CREB5: variants seen among roughly 807,000 people sequenced by gnomAD.
CREB5 encodes the protein cyclic AMP-responsive element-binding protein 5.
A neutral mutation model predicts 57.1 loss-of-function variants in CREB5; 19 were observed. The observed-to-expected ratio is 0.33, with a 90% CI of 0.23 to 0.49. CREB5 has a LOEUF of 0.49. Among genes scored for constraint, CREB5 ranks in the 20% least tolerant of loss-of-function variants. CREB5 has a pLI of 0.99. For missense variants in CREB5, 579 were observed against 671.6 expected, an observed-to-expected ratio of 0.86 and a Z score of 1.52; for synonymous variants, 238 against 238.3, an observed-to-expected ratio of 1.00 and a Z score of 0.01.
At chr7:28,513,785 A>G (rs1792817607) in intron 4 of CREB5, 2 of 152,348 alleles carry the variant, frequency 1.3e-5, no homozygotes, top group African/African-American at 4.8e-5. Flanking sequence ...AATGAGTACA[A>G]TCTTAGCAGG....
chr7:28,654,814 A>AG (rs2128708686), intron 5 of CREB5, among the ~76,000 whole-genome samples: 1 of 152,334 alleles, frequency 6.6e-6, no homozygotes, highest in African/African-American at 2.4e-5. Flanking sequence ...GTCTAAAGCC[A>AG]GGCATAGGAA....
intron 5 of CREB5, among the ~76,000 whole-genome samples, chr7:28,632,548 G>T (rs310351): frequency 0.38 from 57,035 of 151,938 alleles, 11,130 homozygotes; most frequent in African/African-American, 0.47. Flanking sequence ...TAAAAGTTTT[G>T]TTCACCATCA....
intron 5 of CREB5, among the ~76,000 whole-genome samples, chr7:28,687,726 T>C (rs1434675275): frequency 6.6e-6 from 1 of 152,056 alleles, no homozygotes; most frequent in Non-Finnish European, 1.5e-5. Context: ...TGGATATCAT[T>C]CATTATGACT....
chr7:28,730,460 C>G (rs1008239288), intron 7 of CREB5, among the ~76,000 whole-genome samples: 3 of 151,940 alleles, frequency 2.0e-5, no homozygotes, highest in Non-Finnish European at 4.4e-5. Context: ...GCTAGGATTA[C>G]AGGCATGAGC....
At chr7:28,524,192 G>T (rs965655141) in intron 4 of CREB5, among the ~76,000 whole-genome samples, 3 of 152,074 alleles carry the variant, frequency 2.0e-5, no homozygotes, top group African/African-American at 7.2e-5. Flanking sequence ...AAAGAAATTT[G>T]CTGGCTGGGT....
At chr7:28,662,137 C>T (rs778704270) in intron 5 of CREB5, among the ~76,000 whole-genome samples, 17 of 152,098 alleles carry the variant, frequency 1.1e-4, no homozygotes, top group Non-Finnish European at 2.2e-4. Context: ...AAAATCACTA[C>T]AAGAGTAGAC....
At chr7:28,606,246 TAACTA>T (rs1475045990) in intron 5 of CREB5, among the ~76,000 whole-genome samples, 4 of 152,212 alleles carry the variant, frequency 2.6e-5, no homozygotes, top group Admixed American at 1.3e-4. Context: ...TTTTCCTACT[TAACTA>T]GAGTTGTTTG....
chr7:28,525,122 C>T (rs1244910254), intron 4 of CREB5, among the ~76,000 whole-genome samples: 1 of 152,068 alleles, frequency 6.6e-6, no homozygotes, highest in Non-Finnish European at 1.5e-5. Context: ...AACGTAACGA[C>T]CTTCAGTTCC....
chr7:28,334,757 T>C (rs773637201), intron 1 of CREB5, among the ~76,000 whole-genome samples: 2 of 152,176 alleles, frequency 1.3e-5, no homozygotes, highest in Non-Finnish European at 2.9e-5. Flanking sequence ...GCTTGTGGGG[T>C]GTTACTCAAG....
At chr7:28,684,593 A>T (rs1800760687) in intron 5 of CREB5, among the ~76,000 whole-genome samples, 1 of 152,166 alleles carries the variant, frequency 6.6e-6, no homozygotes, top group African/African-American at 2.4e-5. Context: ...AAGCTGAGAG[A>T]TTTCTCCAAA....
chr7:28,708,777 G>C (rs1048950201), intron 5 of CREB5, among the ~76,000 whole-genome samples: 1 of 152,204 alleles, frequency 6.6e-6, no homozygotes, highest in Non-Finnish European at 1.5e-5. Flanking sequence ...AAACAGAATT[G>C]CTGACTTGGA....
intron 1 of CREB5, among the ~76,000 whole-genome samples, chr7:28,360,024 G>A (rs779925605): frequency 9.9e-5 from 15 of 152,164 alleles, no homozygotes; most frequent in Non-Finnish European, 1.6e-4. Flanking sequence ...CCACCATGAG[G>A]TATCATCTCA....
chr7:28,598,308 AG>A (rs774208566), intron 5 of CREB5, among the ~76,000 whole-genome samples: 2 of 152,194 alleles, frequency 1.3e-5, no homozygotes, highest in Non-Finnish European at 2.9e-5. Flanking sequence ...ATCCCCAGCC[AG>A]GTGGAACTGT....
intron 7 of CREB5, among the ~76,000 whole-genome samples, chr7:28,784,251 A>C (rs2128786032): frequency 6.6e-6 from 1 of 152,322 alleles, no homozygotes; most frequent in South Asian, 2.1e-4. Flanking sequence ...TGCGAGAGAG[A>C]CAGCTTGACA....
chr7:28,685,813 C>T (rs1248616526), intron 5 of CREB5, among the ~76,000 whole-genome samples: 1 of 152,054 alleles, frequency 6.6e-6, no homozygotes, highest in Non-Finnish European at 1.5e-5. Context: ...CCTTTGTTTA[C>T]CCGTTTCTAA....
chr7:28,643,813 C>G (rs1377113666), intron 5 of CREB5, among the ~76,000 whole-genome samples: 4 of 150,346 alleles, frequency 2.7e-5, no homozygotes, highest in Admixed American at 6.6e-5. Context: ...GGTGTGGTGG[C>G]TCATGCCTGG....
At chr7:28,501,535 G>A (rs776858891) in intron 3 of CREB5, among the ~76,000 whole-genome samples, 9 of 152,134 alleles carry the variant, frequency 5.9e-5, no homozygotes, top group Admixed American at 2.0e-4. Flanking sequence ...TGCTGTCTTC[G>A]TTCTGTCTGG....
intron 5 of CREB5, among the ~76,000 whole-genome samples, chr7:28,610,066 C>T (rs1191552186): frequency 1.3e-5 from 2 of 152,162 alleles, no homozygotes; most frequent in African/African-American, 4.8e-5. Context: ...TTCTGAAGAG[C>T]TTCTCCTTCC....
At chr7:28,633,486 C>G (rs991655400) in intron 5 of CREB5, among the ~76,000 whole-genome samples, 1 of 152,138 alleles carries the variant, frequency 6.6e-6, no homozygotes, top group African/African-American at 2.4e-5. Context: ...CTGCCTATAT[C>G]TCATTCAGAG....
Sources: gnomAD v4.1 joint callset for allele counts (sites outside exome capture counted in the v4.1 genomes callset) on GRCh38, gnomAD v4.1.1 for gene constraint, MANE v1.5 for transcripts, NCBI Gene and HGNC (gene_info 2026-07-23, HGNC 2026-07-21) for gene names.